The following FHIT variants were observed in gnomAD, a reference collection of about 807,000 sequenced individuals.
The protein encoded by FHIT is bis(5'-adenosyl)-triphosphatase.
In FHIT, 19 loss-of-function variants were observed where a neutral mutation model predicts 17.9. The observed-to-expected ratio is 1.06, with a 90% CI of 0.74 to 1.56. The LOEUF is 1.56. Among genes scored for constraint, FHIT ranks in the 40% most tolerant of loss-of-function variants. FHIT has a pLI of 0.00. For synonymous variants in FHIT, 81 were observed against 69.7 expected (o/e 1.16, Z -0.81); for missense variants, 248 against 189.2 (o/e 1.31, Z -1.82).
At chr3:61,210,571 G>C (rs1225764044) in intron 1 of FHIT, among the ~76,000 whole-genome samples, 1 of 152,166 alleles carries the variant, frequency 6.6e-6, no homozygotes, top group Non-Finnish European at 1.5e-5. Flanking sequence ...TGCTAGCAAT[G>C]AGTGAGGCTC....
chr3:59,861,846 T>C lies in FHIT; in HGVS notation c.348+60500A>G, dbSNP rs573664968. Among the ~76,000 whole-genome samples the C allele has an allele frequency of 2.0e-5, 3 of 152,226 alleles. No homozygotes were observed. The South Asian group carries it at 6.2e-4, about 32-fold the overall frequency. On this transcript the variant is annotated intron_variant, in intron 8 of 9. Coordinates refer to ENST00000492590, the MANE Select transcript of FHIT (RefSeq NM_002012.4). ...GAAGAAATTATGAACTAGAAGAACA[T>C]GAAACATGGTATTCAGAAGGAAAAA...
intron 5 of FHIT, among the ~76,000 whole-genome samples, chr3:60,375,344 G>C (rs984054684): frequency 1.3e-5 from 2 of 151,164 alleles, no homozygotes; most frequent in African/African-American, 4.9e-5. Flanking sequence ...TGAGGTGGGA[G>C]GATCACCTGA....
chr3:60,060,922 G>A (rs935942445), intron 5 of FHIT, among the ~76,000 whole-genome samples: 4 of 152,174 alleles, frequency 2.6e-5, no homozygotes, highest in East Asian at 1.9e-4. Flanking sequence ...GCAAATGAAG[G>A]TGGGGTAAAT....
intron 7 of FHIT, among the ~76,000 whole-genome samples, chr3:59,935,443 C>T (rs1275679223): frequency 6.6e-6 from 1 of 152,108 alleles, no homozygotes; most frequent in Non-Finnish European, 1.5e-5. Context: ...CTCTTTCAGG[C>T]TTTTCTGATT....
intron 4 of FHIT, among the ~76,000 whole-genome samples, chr3:60,707,059 C>T (rs933349742): frequency 1.3e-5 from 2 of 152,184 alleles, no homozygotes; most frequent in African/African-American, 4.8e-5. Context: ...TTGACATTTA[C>T]TTCAATATTC....
intron 5 of FHIT, among the ~76,000 whole-genome samples, chr3:60,364,371 G>T (rs1700026102): frequency 6.6e-6 from 1 of 152,114 alleles, no homozygotes; most frequent in Non-Finnish European, 1.5e-5. Flanking sequence ...CCTTGCCATG[G>T]GCAAAATAAT....
At chr3:60,525,011 A>AG (rs1303085902) in intron 5 of FHIT, among the ~76,000 whole-genome samples, 1 of 152,180 alleles carries the variant, frequency 6.6e-6, no homozygotes, top group East Asian at 1.9e-4. Context: ...GGTTGATGGC[A>AG]GGGGGTGGAT....
intron 8 of FHIT, among the ~76,000 whole-genome samples, chr3:59,837,647 T>C (rs115315700): frequency 2.6e-5 from 4 of 152,320 alleles, no homozygotes; most frequent in African/African-American, 7.2e-5. Context: ...CTCTATCAAA[T>C]TGGGCAAAGG....
chr3:60,519,268 T>G (rs187361645), intron 5 of FHIT, among the ~76,000 whole-genome samples: 5 of 152,332 alleles, frequency 3.3e-5, no homozygotes, highest in Non-Finnish European at 7.3e-5. Flanking sequence ...ACACTTGATA[T>G]AAACTAGACT....
At chr3:60,351,949 C>A (rs1699420996) in intron 5 of FHIT, among the ~76,000 whole-genome samples, 1 of 152,198 alleles carries the variant, frequency 6.6e-6, no homozygotes, top group Non-Finnish European at 1.5e-5. Flanking sequence ...GTTTGTTCCT[C>A]CTTATAGCTT....
At chr3:60,783,063 GC>G (rs1191689720) in intron 4 of FHIT, among the ~76,000 whole-genome samples, 1 of 152,070 alleles carries the variant, frequency 6.6e-6, no homozygotes, top group Non-Finnish European at 1.5e-5. Context: ...GCTCACTGCA[GC>G]CTCAACTTCC....
intron 5 of FHIT, among the ~76,000 whole-genome samples, chr3:60,454,788 TG>T (rs1422057211): frequency 5.3e-5 from 8 of 152,178 alleles, no homozygotes; most frequent in Admixed American, 4.6e-4. Context: ...GTGCAAAAGT[TG>T]TTACACACAT....
intron 5 of FHIT, among the ~76,000 whole-genome samples, chr3:60,048,169 T>A (rs1024355795): frequency 6.6e-6 from 1 of 152,082 alleles, no homozygotes; most frequent in African/African-American, 2.4e-5. Context: ...CATTTTAAGT[T>A]CTCTCTTTCT....
At chr3:61,058,999 C>T (rs1242710958) in intron 2 of FHIT, among the ~76,000 whole-genome samples, 1 of 152,176 alleles carries the variant, frequency 6.6e-6, no homozygotes, top group Non-Finnish European at 1.5e-5. Flanking sequence ...TCCTCTGTGT[C>T]CAGTAAAGAG....
chr3:60,260,570 ACC>A (rs1706240171), intron 5 of FHIT, among the ~76,000 whole-genome samples: 1 of 152,058 alleles, frequency 6.6e-6, no homozygotes, highest in Admixed American at 6.6e-5. Flanking sequence ...TGCCTCTATA[ACC>A]TTAATGAATT....
chr3:60,258,744 T>C (rs1489012039), intron 5 of FHIT, among the ~76,000 whole-genome samples: 3 of 152,148 alleles, frequency 2.0e-5, no homozygotes, highest in African/African-American at 7.2e-5. Flanking sequence ...CCTGTGTCTT[T>C]TTCTATGTTG....
chr3:60,619,146 A>C (rs2039040187), intron 4 of FHIT, among the ~76,000 whole-genome samples: 1 of 152,180 alleles, frequency 6.6e-6, no homozygotes, highest in Non-Finnish European at 1.5e-5. Flanking sequence ...CACAAAATAC[A>C]ATCCTTTAGT....
intron 2 of FHIT, among the ~76,000 whole-genome samples, chr3:61,139,030 CTT>C (rs368329092): frequency 1.5e-4 from 21 of 137,240 alleles, no homozygotes; most frequent in Admixed American, 3.7e-4. Flanking sequence ...CTATATCAAA[CTT>C]TTTTTTTTTT....
intron 1 of FHIT, among the ~76,000 whole-genome samples, chr3:61,205,102 G>A (rs546094327): frequency 5.3e-5 from 8 of 152,020 alleles, no homozygotes; most frequent in Admixed American, 2.6e-4. Context: ...ATAGTTTGCA[G>A]AGAATGATGG....
Sources: allele counts gnomAD v4.1 joint callset (sites outside exome capture counted in the v4.1 genomes callset), GRCh38; gene constraint gnomAD v4.1.1; transcripts MANE v1.5; gene names NCBI Gene and HGNC (gene_info 2026-07-23, HGNC 2026-07-21).